The following FRK variants were observed in gnomAD, a reference collection of about 807,000 sequenced individuals.
The protein encoded by FRK is tyrosine-protein kinase FRK.
In FRK, 51 loss-of-function variants were observed where a neutral mutation model predicts 56.4. That is an observed-to-expected ratio of 0.90 (90% CI 0.72 to 1.14). The LOEUF (loss-of-function observed/expected upper bound fraction) is 1.14. Ranked by LOEUF, FRK falls within the 50% of genes most tolerant of loss-of-function variation. The pLI is 0.00. For missense variants in FRK, 570 were observed against 601.4 expected (o/e 0.95, Z 0.55); for synonymous variants, 245 against 217.9 (o/e 1.12, Z -1.10).
intron 4 of FRK, among the ~76,000 whole-genome samples, chr6:115,959,559 G>A (rs1314315210): frequency 6.6e-6 from 1 of 152,104 alleles, no homozygotes; most frequent in Non-Finnish European, 1.5e-5. Flanking sequence ...CATAGCATCT[G>A]GCCACTTTAA....
intron 2 of FRK, among the ~76,000 whole-genome samples, chr6:116,001,324 CAT>C (rs1445664100): frequency 1.3e-5 from 2 of 151,628 alleles, no homozygotes; most frequent in African/African-American, 2.4e-5. Flanking sequence ...TATGTATATA[CAT>C]ATGTCTGTAC....
chr6:115,951,494 T>C (rs1772749553), intron 5 of FRK, among the ~76,000 whole-genome samples: 1 of 152,210 alleles, frequency 6.6e-6, no homozygotes, highest in South Asian at 2.1e-4. Context: ...ACTAAACTTT[T>C]TAAAAATGGA....
chr6:116,018,256 A>T (rs1350374158), intron 1 of FRK, among the ~76,000 whole-genome samples: 3 of 152,206 alleles, frequency 2.0e-5, no homozygotes, highest in African/African-American at 7.2e-5. Context: ...TGTATACCCC[A>T]GCACTTCTTA....
chr6:116,039,468 C>A (rs139127846), intron 1 of FRK: 3 of 1,549,006 alleles, frequency 1.9e-6, no homozygotes, highest in Non-Finnish European at 2.7e-6. Context: ...AGCCCTAATT[C>A]GTGGACATCA....
chr6:116,084,117 A>T, the FRK span, among the ~76,000 whole-genome samples: 1 of 152,238 alleles, frequency 6.6e-6, no homozygotes, highest in Non-Finnish European at 1.5e-5. Context: ...CACCAAGGCA[A>T]TAAAATATGA....
chr6:116,092,114 C>T, the FRK span, among the ~76,000 whole-genome samples: 29 of 152,280 alleles, frequency 1.9e-4, 2 homozygotes, highest in South Asian at 5.8e-3. Flanking sequence ...CTAGTATAAA[C>T]TTCAGGACTC....
chr6:115,991,764 T>C (rs1774617229), intron 2 of FRK, among the ~76,000 whole-genome samples: 1 of 151,772 alleles, frequency 6.6e-6, no homozygotes, highest in South Asian at 2.1e-4. Flanking sequence ...GATTTTTGTA[T>C]CAGGATGATA....
rs183492309 is a variant in FRK at position 115,979,143 on chromosome 6, G to T, written c.467-10404C>A. On this transcript the variant is annotated intron_variant, in intron 2 of 7. Transcript: ENST00000606080. ...TTTAACTATAAAACAGCCTCAGGCA[G>T]GTTCTTCAGGAGCATTCCAGAAGAA... Among the ~76,000 whole-genome samples, 27 of 152,124 alleles carry T rather than the reference G, an allele frequency of 1.8e-4. No homozygotes were observed. In the East Asian group the frequency reaches 3.3e-3, roughly 19 times the overall value.
chr6:115,999,802 C>CTTTTACTTTCCTTTCCA (rs1215453456), intron 2 of FRK, among the ~76,000 whole-genome samples: 5 of 152,258 alleles, frequency 3.3e-5, no homozygotes, highest in African/African-American at 1.2e-4. Context: ...ATTGAAAGTC[C>CTTTTACTTTCCTTTCCA]TTTTTCTTTC....
intron 2 of FRK, among the ~76,000 whole-genome samples, chr6:115,985,865 A>G (rs1404567024): frequency 6.8e-6 from 1 of 147,824 alleles, no homozygotes; most frequent in Non-Finnish European, 1.5e-5. Context: ...GAAAAAAGAT[A>G]AAGAGGAAAG....
the FRK span, among the ~76,000 whole-genome samples, chr6:116,093,325 T>A: frequency 6.6e-6 from 1 of 152,164 alleles, no homozygotes; most frequent in Non-Finnish European, 1.5e-5. Flanking sequence ...CCAACCCAGG[T>A]ACATGTCCCC....
At chr6:116,096,769 C>T in the FRK span, among the ~76,000 whole-genome samples, 1 of 152,212 alleles carries the variant, frequency 6.6e-6, no homozygotes. Flanking sequence ...CAGCGGCAAC[C>T]CACTCAGGTC....
At chr6:116,020,355 G>C (rs2114733412) in intron 1 of FRK, among the ~76,000 whole-genome samples, 1 of 151,830 alleles carries the variant, frequency 6.6e-6, no homozygotes, top group African/African-American at 2.4e-5. Context: ...GCAATGGCAT[G>C]ATCTTGGCTC....
chr6:115,943,440 A>G (rs2114510813), intron 6 of FRK, among the ~76,000 whole-genome samples: 1 of 149,254 alleles, frequency 6.7e-6, no homozygotes, highest in African/African-American at 2.5e-5. Flanking sequence ...ATTCTACTAC[A>G]TTTGGAGAAT....
intron 3 of FRK, among the ~76,000 whole-genome samples, chr6:115,968,137 T>C (rs1450417340): frequency 1.3e-5 from 2 of 152,260 alleles, no homozygotes; most frequent in South Asian, 2.1e-4. Flanking sequence ...TTAAATGTTT[T>C]ATATTTTTCA....
rs150495043 is a variant in FRK, at chr6:116,003,971, T to C, written c.372A>G (p.Ser124=). ...EPWFFGAIGR[S]DAEKQLLYSE... The stretch of plus-strand genomic sequence containing the variant: ...AATATAATAGTTGTTTCTCTGCATC[T>C]GATCTTCCGATTGCTCCAAAGAACC... Residue 124 remains serine (S), a synonymous_variant, in exon 2 of 8, where the codon TCA becomes TCG. Coordinates refer to ENST00000606080, the MANE Select transcript of FRK (RefSeq NM_002031.3). 5.1e-5 allele frequency: 82 copies of C among 1,612,576 alleles called. No individual in the cohort carries two copies. Among genetic ancestry groups the C allele is most frequent in the Non-Finnish European group, 6.8e-5 (80 of 1,178,970 alleles).
intron 2 of FRK, among the ~76,000 whole-genome samples, chr6:115,992,209 C>A (rs546679970): frequency 1.3e-5 from 2 of 151,708 alleles, no homozygotes; most frequent in South Asian, 2.1e-4. Context: ...AAAACAAATT[C>A]TGTGCCACTA....
intron 5 of FRK, 87 bp downstream of exon 5, chr6:115,956,365 G>T: frequency 1.1e-6 from 1 of 932,874 alleles, no homozygotes; most frequent in Non-Finnish European, 1.5e-6. Flanking sequence ...ATATCCTTTC[G>T]GTTACAGAAG....
At chr6:115,970,868 G>T (rs929169702) in intron 2 of FRK, among the ~76,000 whole-genome samples, 1 of 152,148 alleles carries the variant, frequency 6.6e-6, no homozygotes, top group Admixed American at 6.5e-5. Context: ...AGTTATGATC[G>T]ATTGTGCCAC....
Sources: gnomAD v4.1 joint callset for allele counts (sites outside exome capture counted in the v4.1 genomes callset) on GRCh38, gnomAD v4.1.1 for gene constraint, MANE v1.5 for transcripts, NCBI Gene and HGNC (gene_info 2026-07-23, HGNC 2026-07-21) for gene names.